Variants in AGPAT4 observed in about 807,000 individuals in gnomAD.
AGPAT4 encodes 1-acyl-sn-glycerol-3-phosphate acyltransferase delta.
AGPAT4 carries 15 observed loss-of-function variants against 48.0 expected under a neutral mutation model. The ratio of observed to expected loss-of-function variants is 0.31; its 90% CI spans 0.21 to 0.48. The LOEUF (loss-of-function observed/expected upper bound fraction) is 0.48, where lower values mean the gene tolerates loss of function less well. AGPAT4 is among the 20% of genes least tolerant of loss of function. The pLI is 0.99. For missense variants in AGPAT4, 314 were observed against 482.5 expected, an observed-to-expected ratio of 0.65 and a Z score of 3.27; for synonymous variants, 178 against 198.7, an observed-to-expected ratio of 0.90 and a Z score of 0.88.
Position 161,242,728 on chromosome 6 carries a change from A to G in AGPAT4, c.-89-10426T>C, listed in dbSNP as rs1782527677. Among the ~76,000 whole-genome samples, 2 of 152,234 alleles carry G rather than the reference A, an allele frequency of 1.3e-5. No individual in the cohort carries two copies. The highest frequency in any genetic ancestry group is 1.3e-4 in the Admixed American group (2 of 15,282). ...ATAAATCCAAACAGAAATGAAAAAA[A>G]TTAATCTTCCAAACAGGGGAAACGT... is the stretch of plus-strand genomic sequence containing the variant. On this transcript the variant is annotated intron_variant, in intron 1 of 8. Coordinates refer to ENST00000320285, the MANE Select transcript of AGPAT4 (RefSeq NM_020133.3). The surrounding 1 kb of genome is among the most constrained non-coding windows in gnomAD (Gnocchi z 5.0).
chr6:161,202,771 G>T lies in AGPAT4; in HGVS notation c.178+29265C>A, dbSNP rs2115011393. The stretch of plus-strand genomic sequence containing the variant: ...GCAGAAAAAATGCATGACTCTCAAG[G>T]CCAGGTCATAACCTTATGCCCCGTG... On this transcript the variant is annotated intron_variant, in intron 2 of 8. Coordinates refer to ENST00000320285, the MANE Select transcript of AGPAT4 (RefSeq NM_020133.3). This position sits in a 1 kb window ranked among gnomAD's most constrained non-coding sequence, Gnocchi z 5.4. 6.6e-6 allele frequency among the ~76,000 whole-genome samples: 1 copy of T among 152,210 alleles called. No homozygotes were observed. The highest frequency in any genetic ancestry group is 2.1e-4 in the South Asian group (1 of 4,814).
chr6:161,144,552 G>A lies in AGPAT4; in HGVS notation c.843+1972C>T, dbSNP rs1332082572. Among the ~76,000 whole-genome samples, 2 of 152,132 alleles carry A rather than the reference G, an allele frequency of 1.3e-5. No homozygotes were observed. The highest frequency in any genetic ancestry group is 4.8e-5 in the African/African-American group (2 of 41,412). ...TCTGCCTGAATACAGGGGAGGAAGG[G>A]CCCGTTGAGAAAAATCTCCTTTGCC... is the stretch of plus-strand genomic sequence containing the variant. On this transcript the variant is annotated intron_variant, in intron 7 of 8. Transcript: ENST00000320285. This position sits in a 1 kb window ranked among gnomAD's most constrained non-coding sequence, Gnocchi z 6.6.
rs1780067366 is a variant in AGPAT4, at chr6:161,165,456, G to T, written c.348+792C>A. On this transcript the variant is annotated intron_variant, in intron 3 of 8. Coordinates refer to ENST00000320285, the MANE Select transcript of AGPAT4 (RefSeq NM_020133.3). The surrounding 1 kb of genome is among the most constrained non-coding windows in gnomAD (Gnocchi z 5.5). The stretch of plus-strand genomic sequence containing the variant: ...GGTGATTTCAGCAGCCCCCGTATCT[G>T]TTCTACAGGGCATTGTTCCCAGGTG... 12 of 495,950 alleles carry T rather than the reference G, an allele frequency of 2.4e-5. No individual in the cohort carries two copies. The South Asian group carries it at 2.9e-4, about 12-fold the overall frequency. 30.7% of individuals were successfully genotyped at this position (495,950 alleles called of 1,614,324 possible). A position where few individuals can be genotyped will look rare whatever the true frequency, so the allele number is the denominator to read the frequency against.
rs942604878 is a variant in AGPAT4, at chr6:161,171,760, C to T, written c.179-5343G>A. On this transcript the variant is annotated intron_variant, in intron 2 of 8. Transcript: ENST00000320285. This position sits in a 1 kb window ranked among gnomAD's most constrained non-coding sequence, Gnocchi z 4.4. The stretch of plus-strand genomic sequence containing the variant: ...AAAAAAAAAAAAAAAATTAGCTGGG[C>T]GTGGTGGCAGGCACCTGTAGTCCCA... 4.0e-5 allele frequency among the ~76,000 whole-genome samples: 6 copies of T among 151,222 alleles called. No homozygotes were observed. Among genetic ancestry groups the T allele is most frequent in the East Asian group, 1.9e-4 (1 of 5,154 alleles).
At position 161,200,414 on chromosome 6, in the gene AGPAT4, C is replaced by T. The variant is rs1781208882; in HGVS notation, c.178+31622G>A. Among the ~76,000 whole-genome samples the T allele has an allele frequency of 6.6e-6, 1 of 152,158 alleles. No homozygotes were observed. The highest frequency in any genetic ancestry group is 2.4e-5 in the African/African-American group (1 of 41,438). On this transcript the variant is annotated intron_variant, in intron 2 of 8. Transcript: ENST00000320285. The surrounding 1 kb of genome is among the most constrained non-coding windows in gnomAD (Gnocchi z 5.5). ...AGAGAGTTTTATCTTAAATAACATGCCATTTTATCTCCAAATAACCACAGT... is the reference window on the plus strand; with the variant it reads ...AGAGAGTTTTATCTTAAATAACATGTCATTTTATCTCCAAATAACCACAGT...
In AGPAT4 at chr6:161,161,464, C is replaced by T. The variant is rs1562318531; in HGVS notation, c.348+4784G>A. ...AGAGGCAGAGGGTGGCGTCCCAGCCCATTCCTAGTGCAAGGTCTGTGCCTG... is the reference window on the plus strand; with the variant it reads ...AGAGGCAGAGGGTGGCGTCCCAGCCTATTCCTAGTGCAAGGTCTGTGCCTG... On this transcript the variant is annotated intron_variant, in intron 3 of 8. Coordinates refer to ENST00000320285, the MANE Select transcript of AGPAT4 (RefSeq NM_020133.3). This position sits in a 1 kb window ranked among gnomAD's most constrained non-coding sequence, Gnocchi z 4.6. The T allele has an allele frequency of 2.2e-6, 1 of 456,718 alleles. No homozygotes were observed. The highest frequency in any genetic ancestry group is 4.4e-6 in the Non-Finnish European group (1 of 226,978). 28.3% of individuals were successfully genotyped at this position (456,718 alleles called of 1,614,324 possible). A position where few individuals can be genotyped will look rare whatever the true frequency, so the allele number is the denominator to read the frequency against.
At chr6:161,193,373 A>T (rs2115002927) in intron 2 of AGPAT4, among the ~76,000 whole-genome samples, 2 of 152,270 alleles carry the variant, frequency 1.3e-5, no homozygotes, top group East Asian at 3.9e-4. Context: ...TAATTTTTAC[A>T]GTTTATTGTT....
At position 161,133,761 on chromosome 6, in the gene AGPAT4, C is replaced by T. The variant is rs926216460; in HGVS notation, c.*2779G>A. On this transcript the variant is annotated 3_prime_UTR_variant, in exon 9 of 9. Coordinates refer to ENST00000320285, the MANE Select transcript of AGPAT4 (RefSeq NM_020133.3). Reference sequence around the variant, plus strand: ...TTCTCTGCCACCTTGAACTACAGAACAGGCTCTCAGTAGCGTGATAAGCTT... The same window carrying T: ...TTCTCTGCCACCTTGAACTACAGAATAGGCTCTCAGTAGCGTGATAAGCTT... The T allele has an allele frequency of 1.3e-5, 2 of 152,230 alleles. No individual in the cohort carries two copies. Among genetic ancestry groups the T allele is most frequent in the Admixed American group, 1.3e-4 (2 of 15,286 alleles). The allele number at this position is 152,230 out of a possible 1,614,324, so 9.4% of individuals were successfully genotyped here. A position where few individuals can be genotyped will look rare whatever the true frequency, so the allele number is the denominator to read the frequency against.
In AGPAT4 at chr6:161,255,310, T is replaced by A. The variant is rs1395557167; in HGVS notation, c.-90+18628A>T. Among the ~76,000 whole-genome samples the A allele has an allele frequency of 6.6e-6, 1 of 152,206 alleles. No individual in the cohort carries two copies. The highest frequency in any genetic ancestry group is 2.4e-5 in the African/African-American group (1 of 41,458). On this transcript the variant is annotated intron_variant, in intron 1 of 8. Coordinates refer to ENST00000320285, the MANE Select transcript of AGPAT4 (RefSeq NM_020133.3). The surrounding 1 kb of genome is among the most constrained non-coding windows in gnomAD (Gnocchi z 4.7). ...GATTTTGGGAAGTGAATGAAACACA[T>A]CCAGCTGTAGTTCTTCTGATGTTAG...
chr6:161,231,937 C>G lies in AGPAT4; in HGVS notation c.178+99G>C. On this transcript the variant is annotated intron_variant, in intron 2 of 8. Transcript: ENST00000320285. This position sits in a 1 kb window ranked among gnomAD's most constrained non-coding sequence, Gnocchi z 5.3. Reference sequence around the variant, plus strand: ...ACAAAAACAAAACAAAAAAACAGCTCGGCACACAACGAAAGCCTAGTGAAT... The same window carrying G: ...ACAAAAACAAAACAAAAAAACAGCTGGGCACACAACGAAAGCCTAGTGAAT... 1 of 1,229,018 alleles carries G rather than the reference C, an allele frequency of 8.1e-7. No homozygotes were observed. Among genetic ancestry groups the G allele is most frequent in the Non-Finnish European group, 1.1e-6 (1 of 905,134 alleles). The allele number at this position is 1,229,018 out of a possible 1,614,324, so 76.1% of individuals were successfully genotyped here.
intron 2 of AGPAT4, among the ~76,000 whole-genome samples, chr6:161,181,416 C>A (rs1409532023): frequency 1.3e-5 from 2 of 151,890 alleles, no homozygotes; most frequent in Non-Finnish European, 1.5e-5. Flanking sequence ...CTCTTCTAAG[C>A]TTCCCCATCC....
intron 1 of AGPAT4, among the ~76,000 whole-genome samples, chr6:161,256,592 G>T (rs1258505030): frequency 6.6e-6 from 1 of 152,202 alleles, no homozygotes; most frequent in Non-Finnish European, 1.5e-5. Context: ...AGCTTCCTCT[G>T]ATAGCCACAC....
rs1779328286 is a variant in AGPAT4, at chr6:161,143,665, A to T, written c.843+2859T>A. On this transcript the variant is annotated intron_variant, in intron 7 of 8. Coordinates refer to ENST00000320285, the MANE Select transcript of AGPAT4 (RefSeq NM_020133.3). The surrounding 1 kb of genome is among the most constrained non-coding windows in gnomAD (Gnocchi z 4.7). ...TTTCTCAAAGCCTTCCAACAACACG[A>T]GTCCCAAATGCTGACGAGCAAGAAA... 6.6e-6 allele frequency among the ~76,000 whole-genome samples: 1 copy of T among 152,236 alleles called. No homozygotes were observed. Among genetic ancestry groups the T allele is most frequent in the African/African-American group, 2.4e-5 (1 of 41,454 alleles).
At chr6:161,203,270 A>G (rs1022656616) in intron 2 of AGPAT4, among the ~76,000 whole-genome samples, 37 of 152,298 alleles carry the variant, frequency 2.4e-4, no homozygotes, top group Admixed American at 1.3e-3. Context: ...CTATAAAGCC[A>G]GCACCCAGCA....
rs983512494 is a variant in AGPAT4, at chr6:161,135,098, T to C, written c.*1442A>G. ...CTTACCTAGTTTGGTTGATAAACAATGACTAAATGAGCAAATAGCCAAAAA... is the reference window on the plus strand; with the variant it reads ...CTTACCTAGTTTGGTTGATAAACAACGACTAAATGAGCAAATAGCCAAAAA... On this transcript the variant is annotated 3_prime_UTR_variant, in exon 9 of 9. Coordinates refer to ENST00000320285, the MANE Select transcript of AGPAT4 (RefSeq NM_020133.3). The C allele has an allele frequency of 1.0e-4, 15 of 148,446 alleles. No individual in the cohort carries two copies. The highest frequency in any genetic ancestry group is 3.5e-4 in the African/African-American group (14 of 39,858). The allele number at this position is 148,446 out of a possible 1,614,324, so 9.2% of individuals were successfully genotyped here.
chr6:161,199,190 A>C (rs1429391083), intron 2 of AGPAT4, among the ~76,000 whole-genome samples: 1 of 152,104 alleles, frequency 6.6e-6, no homozygotes, highest in Non-Finnish European at 1.5e-5. Context: ...TTGCAGAAAC[A>C]TACAAAAAAG....
At chr6:161,260,854 A>T (rs1359749568) in intron 1 of AGPAT4, among the ~76,000 whole-genome samples, 1 of 152,028 alleles carries the variant, frequency 6.6e-6, no homozygotes, top group African/African-American at 2.4e-5. Context: ...GAGCCACTGC[A>T]TTCCGGCCTG....
At chr6:161,253,621 A>G (rs1010860355) in intron 1 of AGPAT4, among the ~76,000 whole-genome samples, 1 of 151,488 alleles carries the variant, frequency 6.6e-6, no homozygotes, top group Non-Finnish European at 1.5e-5. Flanking sequence ...AAAATTATAA[A>G]TATTTTATTT....
In AGPAT4 at chr6:161,140,299, AT is replaced by A. The variant is rs1366963874; in HGVS notation, c.844-680del. 1.3e-5 allele frequency among the ~76,000 whole-genome samples: 2 copies of A among 152,188 alleles called. No homozygotes were observed. Among genetic ancestry groups the A allele is most frequent in the African/African-American group, 4.8e-5 (2 of 41,454 alleles). On this transcript the variant is annotated intron_variant, in intron 7 of 8. Coordinates refer to ENST00000320285, the MANE Select transcript of AGPAT4 (RefSeq NM_020133.3). The surrounding 1 kb of genome is among the most constrained non-coding windows in gnomAD (Gnocchi z 6.5). ...GTGTCCAGGGTGACTCTTCTAAGTG[AT>A]TGTTAGACCGTGTGAAAGGTAAACA...
Sources: gnomAD v4.1 joint callset for allele counts (sites outside exome capture counted in the v4.1 genomes callset) on GRCh38, gnomAD v4.1.1 for gene constraint, Gnocchi (gnomAD v3.1) non-coding constraint, MANE v1.5 for transcripts, NCBI Gene and HGNC (gene_info 2026-07-23, HGNC 2026-07-21) for gene names.